The following TC2N variants were observed in gnomAD, a reference collection of about 807,000 sequenced individuals.
The protein encoded by TC2N is tandem C2 domains nuclear protein.
A neutral mutation model predicts 61.9 loss-of-function variants in TC2N; 51 were observed. That is an observed-to-expected ratio of 0.82 (90% CI 0.66 to 1.04). TC2N has a LOEUF of 1.04. Among genes scored for constraint, TC2N ranks in the 50% least tolerant of loss-of-function variants. The probability of loss-of-function intolerance (pLI) is 0.00; values close to 1 mark genes in which losing one functional copy is unlikely to be tolerated. For synonymous variants in TC2N, 204 were observed against 192.6 expected (o/e 1.06, Z -0.49); for missense variants, 556 against 566.7 (o/e 0.98, Z 0.19).
chr14:91,862,166 C>A (rs1888604017), intron 1 of TC2N, among the ~76,000 whole-genome samples: 1 of 151,366 alleles, frequency 6.6e-6, no homozygotes, highest in African/African-American at 2.4e-5. Flanking sequence ...GGCGAAACCC[C>A]ATCTCTACCA....
chr14:91,853,599 A>T (rs960053686), intron 1 of TC2N, among the ~76,000 whole-genome samples: 3 of 150,502 alleles, frequency 2.0e-5, no homozygotes, highest in Admixed American at 1.3e-4. Flanking sequence ...GTAAGAGTTC[A>T]TGCTGCCCTT....
At chr14:91,791,504 C>T (rs1397942735) in intron 9 of TC2N, among the ~76,000 whole-genome samples, 1 of 151,616 alleles carries the variant, frequency 6.6e-6, no homozygotes, top group East Asian at 1.9e-4. Flanking sequence ...TTAGAAATTC[C>T]TAAACAATTT....
chr14:91,847,363 T>A (rs7147330), intron 1 of TC2N, among the ~76,000 whole-genome samples: 6,473 of 152,278 alleles, frequency 0.043, 368 homozygotes, highest in African/African-American at 0.13. Flanking sequence ...TCCTCTGAAC[T>A]GCATCTAGGC....
Position 91,792,549 on chromosome 14 carries a change from A to G in TC2N, c.865T>C (p.Phe289Leu). The change falls in exon 9 of 12, where the codon TTT (phenylalanine) becomes CTT (leucine). Residue 289 changes from phenylalanine (F) to leucine (L), a missense_variant. Physicochemically the swap from Phe to Leu is conservative, Grantham distance 22 (BLOSUM62 0). Coordinates refer to ENST00000435962, the MANE Select transcript of TC2N (RefSeq NM_001128596.3). The stretch of plus-strand genomic sequence containing the variant: ...ATAGCAAATACAAACGTTTCCATAA[A>G]TTCAATAGCCTTAAAAAAAAAACAA... ...SAKEGSNAIE[F>L]METFVFAIKL... The G allele has an allele frequency of 6.6e-7, 1 of 1,521,940 alleles. No individual in the cohort carries two copies. Among genetic ancestry groups the G allele is most frequent in the Non-Finnish European group, 8.9e-7 (1 of 1,121,962 alleles). The allele number at this position is 1,521,940 out of a possible 1,614,324, so 94.3% of individuals were successfully genotyped here. A position where few individuals can be genotyped will look rare whatever the true frequency, so the allele number is the denominator to read the frequency against.
At chr14:91,833,045 A>G (rs1887854861) in intron 1 of TC2N, among the ~76,000 whole-genome samples, 1 of 152,236 alleles carries the variant, frequency 6.6e-6, no homozygotes, top group Non-Finnish European at 1.5e-5. Flanking sequence ...ATGCATAGAC[A>G]TGTGGTAAAA....
At chr14:91,793,882 C>T (rs1314273187) in intron 8 of TC2N, among the ~76,000 whole-genome samples, 1 of 152,130 alleles carries the variant, frequency 6.6e-6, no homozygotes, top group South Asian at 2.1e-4. Context: ...AATGACTAAG[C>T]TTAGTGAGGA....
intron 1 of TC2N, among the ~76,000 whole-genome samples, chr14:91,834,102 G>A (rs1016570172): frequency 6.6e-6 from 1 of 152,176 alleles, no homozygotes; most frequent in Non-Finnish European, 1.5e-5. Context: ...ATTTTTAGAA[G>A]AACCATTGGG....
chr14:91,835,405 G>A (rs950412487), intron 1 of TC2N, among the ~76,000 whole-genome samples: 1 of 152,204 alleles, frequency 6.6e-6, no homozygotes, highest in African/African-American at 2.4e-5. Context: ...TCCAGGCTAT[G>A]TTCTACAATA....
rs1438918809 is a variant in TC2N, at chr14:91,782,717, T to C, written c.*383A>G. The C allele has an allele frequency of 1.9e-5, 3 of 158,694 alleles. No individual in the cohort carries two copies. The highest frequency in any genetic ancestry group is 1.8e-4 in the East Asian group (1 of 5,416). The allele number at this position is 158,694 out of a possible 1,614,324, so 9.8% of individuals were successfully genotyped here. A position where few individuals can be genotyped will look rare whatever the true frequency, so the allele number is the denominator to read the frequency against. ...AATGGTAAAGTCTTCTAAATGCCAA[T>C]AGTACTAACAGAGACTTGATATACC... On this transcript the variant is annotated 3_prime_UTR_variant, in exon 12 of 12. Coordinates refer to ENST00000435962, the MANE Select transcript of TC2N (RefSeq NM_001128596.3).
intron 1 of TC2N, among the ~76,000 whole-genome samples, chr14:91,859,723 G>T (rs1888553620): frequency 6.6e-6 from 1 of 152,226 alleles, no homozygotes; most frequent in Admixed American, 6.5e-5. Flanking sequence ...AGAGGTCAGG[G>T]ATGGCTCTGG....
intron 3 of TC2N, among the ~76,000 whole-genome samples, chr14:91,808,686 T>C (rs1430293195): frequency 6.6e-6 from 1 of 152,202 alleles, no homozygotes; most frequent in Non-Finnish European, 1.5e-5. Context: ...TTCTTCCTCA[T>C]TCAACTCAAA....
intron 3 of TC2N, among the ~76,000 whole-genome samples, chr14:91,808,435 C>CAGG (rs1886618134): frequency 6.6e-6 from 1 of 152,150 alleles, no homozygotes; most frequent in African/African-American, 2.4e-5. Flanking sequence ...TTAAATGATT[C>CAGG]CTGACTGTGC....
intron 1 of TC2N, among the ~76,000 whole-genome samples, chr14:91,849,640 TC>T (rs1272354935): frequency 1.3e-5 from 2 of 152,266 alleles, no homozygotes; most frequent in East Asian, 3.8e-4. Context: ...GAAAACTGTG[TC>T]CCTCTAAGAT....
chr14:91,847,203 A>G (rs1029974232), intron 1 of TC2N, among the ~76,000 whole-genome samples: 35 of 151,694 alleles, frequency 2.3e-4, no homozygotes, highest in Non-Finnish European at 4.7e-4. Flanking sequence ...GGTTGCAGTG[A>G]GCCGAGATCA....
At position 91,783,198 on chromosome 14, in the gene TC2N, C is replaced by T. The variant is rs924749261; in HGVS notation, c.1375G>A (p.Glu459Lys). 9 of 1,597,742 alleles carry T rather than the reference C, an allele frequency of 5.6e-6. No individual in the cohort carries two copies. The highest frequency in any genetic ancestry group is 5.0e-5 in the Admixed American group (3 of 59,546). Residue 459 changes from glutamate to lysine, a missense_variant, in exon 12 of 12, where the codon GAA becomes AAA. Coordinates refer to ENST00000435962, the MANE Select transcript of TC2N (RefSeq NM_001128596.3). ...ACTGCTTCAATGTTATTACTGTCTT[C>T]ACTTATCCAAATCTGTAAAGGAAAG... ...KHFVGQIWIS[E>K]DSNNIEAVNQ... is the part of the protein sequence containing the mutation.
chr14:91,829,051 T>A (rs985439143), intron 1 of TC2N, among the ~76,000 whole-genome samples: 61 of 144,946 alleles, frequency 4.2e-4, no homozygotes, highest in Non-Finnish European at 5.8e-4. Context: ...ACTGTTCTTT[T>A]AAAAAAAAAA....
Position 91,837,301 on chromosome 14 carries a change from G to C in TC2N, c.-56-23476C>G, listed in dbSNP as rs531971353. Reference sequence around the variant, plus strand: ...TGCGCCCGTGGCTCAGTGCAGCCTCGACCTTCGGGGCTGAAGTGATCCTCC... The same window carrying C: ...TGCGCCCGTGGCTCAGTGCAGCCTCCACCTTCGGGGCTGAAGTGATCCTCC... On this transcript the variant is annotated intron_variant, in intron 1 of 11. Coordinates refer to ENST00000435962, the MANE Select transcript of TC2N (RefSeq NM_001128596.3). This position sits in a 1 kb window ranked among gnomAD's most constrained non-coding sequence, Gnocchi z 4.2. Among the ~76,000 whole-genome samples the C allele has an allele frequency of 4.6e-5, 7 of 152,336 alleles. No homozygotes were observed. Among genetic ancestry groups the C allele is most frequent in the African/African-American group, 1.4e-4 (6 of 41,572 alleles).
At chr14:91,840,529 A>G (rs1566787168) in intron 1 of TC2N, among the ~76,000 whole-genome samples, 1 of 152,240 alleles carries the variant, frequency 6.6e-6, no homozygotes, top group Non-Finnish European at 1.5e-5. Flanking sequence ...GAAAACAAGC[A>G]CAGAGTCACC....
intron 1 of TC2N, among the ~76,000 whole-genome samples, chr14:91,853,642 TTTA>T (rs796711480): frequency 0.046 from 4,822 of 105,534 alleles, 287 homozygotes; most frequent in African/African-American, 0.15. Context: ...TTTTTTTTTT[TTTA>T]AAGTACACAC....
Sources: allele counts gnomAD v4.1 joint callset (sites outside exome capture counted in the v4.1 genomes callset), GRCh38; gene constraint gnomAD v4.1.1; non-coding constraint Gnocchi (gnomAD v3.1); transcripts MANE v1.5; gene names NCBI Gene and HGNC (gene_info 2026-07-23, HGNC 2026-07-21).